TTC3: variants seen among roughly 807,000 people sequenced by gnomAD.
The protein encoded by TTC3 is E3 ubiquitin-protein ligase TTC3.
Under a neutral mutation model 249.6 loss-of-function variants are expected in TTC3, and 180 were observed. The ratio of observed to expected loss-of-function variants is 0.72; its 90% CI spans 0.64 to 0.82. TTC3 has a LOEUF of 0.82. Among genes scored for constraint, TTC3 ranks in the 40% least tolerant of loss-of-function variants. TTC3 has a pLI of 0.00. For missense variants in TTC3, 2,061 were observed against 2,398.4 expected (o/e 0.86, Z 2.94); for synonymous variants, 717 against 805.0 (o/e 0.89, Z 1.85).
At chr21:37,199,159 A>G (rs1351851505) in intron 44 of TTC3, among the ~76,000 whole-genome samples, 1 of 152,164 alleles carries the variant, frequency 6.6e-6, no homozygotes, top group African/African-American at 2.4e-5. Context: ...CCTGAACAGC[A>G]GTTCAAGGTC....
chr21:37,123,347 G>A (rs1323550281), intron 13 of TTC3, among the ~76,000 whole-genome samples: 1 of 152,206 alleles, frequency 6.6e-6, no homozygotes, highest in Non-Finnish European at 1.5e-5. Context: ...GCAGCACAGA[G>A]CTAGGACATA....
chr21:37,096,566 T>C lies in TTC3; in HGVS notation c.783-15T>C. The C allele has an allele frequency of 1.4e-5, 22 of 1,593,734 alleles. No individual in the cohort carries two copies. Among genetic ancestry groups the C allele is most frequent in the Non-Finnish European group, 1.9e-5 (22 of 1,164,000 alleles). On this transcript the variant is annotated splice_polypyrimidine_tract_variant and intron_variant, in intron 9 of 45. Coordinates refer to ENST00000355666, the Ensembl canonical transcript of TTC3. ...TGTAATGTGCTTTACTGACTAAACA[T>C]TGTATCTTTTTAAGACCTGAAAACT... is the stretch of plus-strand genomic sequence containing the variant.
intron 1 of TTC3, among the ~76,000 whole-genome samples, chr21:37,078,313 C>T (rs1450693934): frequency 6.6e-6 from 1 of 152,034 alleles, no homozygotes; most frequent in Non-Finnish European, 1.5e-5. Context: ...GTCATTTGTT[C>T]TTAAGAATTA....
chr21:37,175,263 CAAAAAAAAA>C (rs58424565), intron 35 of TTC3, among the ~76,000 whole-genome samples: 1 of 54,022 alleles, frequency 1.9e-5, no homozygotes, highest in Non-Finnish European at 3.6e-5. Flanking sequence ...GACTGTGTCT[CAAAAAAAAA>C]AAAAAAAAAA....
chr21:37,094,004 G>A lies in TTC3; in HGVS notation c.602-1G>A, dbSNP rs146184543. ...TGCTCTCTCCTAAAAATAAAATTTAGACAAGTACCACATAACTAAAATTGT... is the reference window on the plus strand; with the variant it reads ...TGCTCTCTCCTAAAAATAAAATTTAAACAAGTACCACATAACTAAAATTGT... On this transcript the variant is annotated splice_acceptor_variant, in intron 7 of 45. Coordinates refer to ENST00000355666, the Ensembl canonical transcript of TTC3. LOFTEE classifies it high-confidence loss of function. The A allele has an allele frequency of 6.7e-5, 106 of 1,588,280 alleles. No individual in the cohort carries two copies. In the African/African-American group the frequency reaches 1.3e-3, roughly 20 times the overall value.
At chr21:37,084,698 A>G (rs972186604) in intron 1 of TTC3, among the ~76,000 whole-genome samples, 2 of 152,208 alleles carry the variant, frequency 1.3e-5, no homozygotes, top group Non-Finnish European at 2.9e-5. Context: ...CTCTCTAGTT[A>G]AAAACAAAAT....
chr21:37,202,298 T>A (rs1344360927), exon 46 of TTC3: 2 of 152,242 alleles, frequency 1.3e-5, no homozygotes, highest in Non-Finnish European at 2.9e-5. Context: ...GACTAAGACT[T>A]TTTCCCCCTG....
intron 7 of TTC3, among the ~76,000 whole-genome samples, chr21:37,092,974 T>C (rs1337516004): frequency 6.6e-6 from 1 of 152,138 alleles, no homozygotes; most frequent in Non-Finnish European, 1.5e-5. Context: ...AGAGTCAAAA[T>C]ACTAAATAAA....
chr21:37,129,513 A>G (rs113257814), intron 16 of TTC3, among the ~76,000 whole-genome samples: 1,561 of 152,346 alleles, frequency 0.01, 16 homozygotes, highest in East Asian at 0.03. Flanking sequence ...CATATTTCAG[A>G]TGCCCTTTTG....
chr21:37,166,277 C>T lies in TTC3; in HGVS notation c.4063C>T (p.Leu1355Phe), dbSNP rs146714367. ...CAGCATATATACACCCTTGGCCAGC[C>T]TTTCTCCTGAATATCAGCTACCAAG... is the stretch of plus-strand genomic sequence containing the variant. Residue 1355 changes from leucine (L) to phenylalanine (F), a missense_variant, in exon 33 of 46, where the codon CTT becomes TTT. By Grantham distance (22) the Leu-to-Phe change is conservative (BLOSUM62 0). Transcript: ENST00000355666. 7.1e-5 allele frequency: 115 copies of T among 1,614,178 alleles called. No individual in the cohort carries two copies. In the African/African-American group the frequency reaches 1.4e-3, roughly 19 times the overall value.
intron 39 of TTC3, among the ~76,000 whole-genome samples, chr21:37,190,339 T>C (rs2083910401): frequency 6.6e-6 from 1 of 151,820 alleles, no homozygotes. Context: ...TTTCACCATG[T>C]TGGCCATGCT....
rs1390644418 is a variant in TTC3, at chr21:37,165,581, C to T, written c.3367C>T (p.Pro1123Ser). 1.4e-5 allele frequency: 23 copies of T among 1,610,402 alleles called. No homozygotes were observed. The highest frequency in any genetic ancestry group is 1.9e-5 in the Non-Finnish European group (22 of 1,178,036). The change falls in exon 33 of 46, where the codon CCC (proline) becomes TCC (serine). Residue 1123 changes from proline (P) to serine (S), a missense_variant. Pro to Ser is a moderately conservative substitution (Grantham distance 74). Around this residue, in one of 3 missense-constraint regions of TTC3, gnomAD observed 1,040 missense variants for 1,186.1 expected, o/e 0.88. Transcript: ENST00000355666. ...CTCTCAGTTTTTGGAGGAACATGGT[C>T]CCTTGGACATGAGTAACAAGATGTT...
At chr21:37,165,975 C>T in exon 33 of TTC3, 1 of 1,614,156 alleles carries the variant, frequency 6.2e-7, no homozygotes, top group Non-Finnish European at 8.5e-7. Flanking sequence ...GATGTGAAGG[C>T]CAAACCAGTA....
In TTC3 at chr21:37,147,630, T is replaced by C. The variant is rs1180298062; in HGVS notation, c.2016+27T>C. ...TAAATAATGAGTGTACAGTGGGACA[T>C]TAACTTGCAAAATCATTTCTTAAAA... On this transcript the variant is annotated intron_variant, in intron 22 of 45. Coordinates refer to ENST00000355666, the Ensembl canonical transcript of TTC3. 7 of 1,563,056 alleles carry C rather than the reference T, an allele frequency of 4.5e-6. No individual in the cohort carries two copies. In the South Asian group the frequency reaches 8.6e-5, roughly 19 times the overall value.
intron 11 of TTC3, among the ~76,000 whole-genome samples, chr21:37,120,954 G>T (rs2147864776): frequency 6.6e-6 from 1 of 152,264 alleles, no homozygotes; most frequent in South Asian, 2.1e-4. Context: ...TTAAGTAAGT[G>T]TGATATTAGG....
chr21:37,171,382 C>T (rs536721564), intron 34 of TTC3, among the ~76,000 whole-genome samples: 13 of 152,344 alleles, frequency 8.5e-5, no homozygotes, highest in African/African-American at 3.1e-4. Context: ...TTGCTACTTT[C>T]TCCTGGGACT....
chr21:37,191,608 C>T (rs531127025), intron 40 of TTC3, among the ~76,000 whole-genome samples, 184 bp downstream of exon 40: 4 of 152,028 alleles, frequency 2.6e-5, no homozygotes, highest in Admixed American at 6.5e-5. Flanking sequence ...GTTGGAGTTT[C>T]GCTCTTGTTG....
chr21:37,135,000 A>G (rs1435164659), intron 17 of TTC3, among the ~76,000 whole-genome samples: 1 of 152,192 alleles, frequency 6.6e-6, no homozygotes, highest in Non-Finnish European at 1.5e-5. Flanking sequence ...GTATGTTCTT[A>G]AGTGTCTAAT....
intron 10 of TTC3, among the ~76,000 whole-genome samples, chr21:37,101,918 TTATA>T (rs61552508): frequency 6.8e-6 from 1 of 147,394 alleles, no homozygotes; most frequent in Non-Finnish European, 1.5e-5. Context: ...AGTATATAGT[TTATA>T]TATATATATT....
Sources: allele counts gnomAD v4.1 joint callset (sites outside exome capture counted in the v4.1 genomes callset), GRCh38; gene constraint gnomAD v4.1.1; regional missense constraint gnomAD v4.1.1; transcripts MANE v1.5; gene names NCBI Gene and HGNC (gene_info 2026-07-23, HGNC 2026-07-21).